NFATC2: variants seen among roughly 807,000 people sequenced by gnomAD.
NFATC2 encodes nuclear factor of activated T cells 2.
Under a neutral mutation model 87.3 loss-of-function variants are expected in NFATC2, and 22 were observed. That is an observed-to-expected ratio of 0.25 (90% CI 0.18 to 0.36). The LOEUF (loss-of-function observed/expected upper bound fraction) is 0.36. Among genes scored for constraint, NFATC2 ranks in the 10% least tolerant of loss-of-function variants. NFATC2 has a pLI of 1.00. For missense variants in NFATC2, 1,149 were observed against 1,259.1 expected (o/e 0.91, Z 1.32); for synonymous variants, 565 against 542.2 (o/e 1.04, Z -0.58).
In NFATC2 at chr20:51,420,458, C is replaced by G. The variant is rs150036708; in HGVS notation, c.2722+11609G>C. Among the ~76,000 whole-genome samples, 484 of 152,282 alleles carry G rather than the reference C, an allele frequency of 3.2e-3. 4 individuals carry two copies. Among genetic ancestry groups the G allele is most frequent in the African/African-American group, 0.01 (435 of 41,548 alleles). On this transcript the variant is annotated intron_variant, in intron 9 of 10. Coordinates refer to ENST00000371564, the MANE Select transcript of NFATC2 (RefSeq NM_012340.5). The stretch of plus-strand genomic sequence containing the variant: ...GAGGAGACAGGAACACACTAAAAAC[C>G]TCATCATGGAGATATAACTGGCAAA...
intron 9 of NFATC2, among the ~76,000 whole-genome samples, chr20:51,424,617 T>G (rs1182488737): frequency 2.0e-5 from 3 of 152,120 alleles, no homozygotes; most frequent in Non-Finnish European, 2.9e-5. Flanking sequence ...AGCAACTCTT[T>G]GCCAGACAAA....
chr20:51,425,085 G>C (rs781136149), intron 9 of NFATC2, among the ~76,000 whole-genome samples: 1 of 152,070 alleles, frequency 6.6e-6, no homozygotes, highest in Non-Finnish European at 1.5e-5. Context: ...GGCTGGGGGT[G>C]GGGGGTTGGT....
In NFATC2 at chr20:51,395,951, C is replaced by T. The variant is rs114503546; in HGVS notation, c.*44+2692G>A. On this transcript the variant is annotated intron_variant, in intron 10 of 10. Coordinates refer to ENST00000371564, the MANE Select transcript of NFATC2 (RefSeq NM_012340.5). ...GCCATAGACAGTACGCAAATGGGCA[C>T]AGATGTGTTCCAATAAAACTTCATT... 9.9e-3 allele frequency among the ~76,000 whole-genome samples: 1,491 copies of T among 150,712 alleles called. 33 individuals carry two copies. Among genetic ancestry groups the T allele is most frequent in the African/African-American group, 0.035 (1,446 of 41,100 alleles).
chr20:51,522,857 C>A (rs1002339302), intron 2 of NFATC2, among the ~76,000 whole-genome samples: 2 of 152,194 alleles, frequency 1.3e-5, no homozygotes, highest in Non-Finnish European at 2.9e-5. Flanking sequence ...TCATAGCCAC[C>A]TGGTGAGTCA....
intron 9 of NFATC2, among the ~76,000 whole-genome samples, chr20:51,419,741 G>C (rs968330943): frequency 6.6e-6 from 1 of 152,082 alleles, no homozygotes; most frequent in Non-Finnish European, 1.5e-5. Context: ...CCATAACACC[G>C]CAAGGAGTAT....
chr20:51,457,415 G>A (rs1986667653), intron 5 of NFATC2, among the ~76,000 whole-genome samples: 1 of 152,214 alleles, frequency 6.6e-6, no homozygotes, highest in Non-Finnish European at 1.5e-5. Flanking sequence ...TGCTGGGCGG[G>A]AGGCTGGCGC....
chr20:51,549,331 G>A (rs887819079), intron 1 of NFATC2, among the ~76,000 whole-genome samples: 18 of 152,108 alleles, frequency 1.2e-4, no homozygotes, highest in African/African-American at 4.1e-4. Flanking sequence ...GGAGTGCAAC[G>A]GTGCAATCTC....
At chr20:51,428,631 A>G (rs777157942) in intron 9 of NFATC2, among the ~76,000 whole-genome samples, 2 of 152,164 alleles carry the variant, frequency 1.3e-5, no homozygotes, top group Non-Finnish European at 1.5e-5. Flanking sequence ...GCAGGAAACG[A>G]TAACTCAGAG....
In NFATC2 at chr20:51,481,445, G is replaced by A. The variant is rs577552064; in HGVS notation, c.1333-5785C>T. ...ACATTCTGCAATACAGGAGCTCCAC[G>A]TCACTGGCCTCCCGAGCAAAGGAAA... On this transcript the variant is annotated intron_variant, in intron 3 of 10. Coordinates refer to ENST00000371564, the MANE Select transcript of NFATC2 (RefSeq NM_012340.5). Among the ~76,000 whole-genome samples the A allele has an allele frequency of 1.5e-4, 23 of 152,172 alleles. No individual in the cohort carries two copies. In the East Asian group the frequency reaches 1.9e-3, roughly 13 times the overall value.
At chr20:51,502,022 C>T (rs1964378853) in intron 3 of NFATC2, among the ~76,000 whole-genome samples, 1 of 152,142 alleles carries the variant, frequency 6.6e-6, no homozygotes, top group Admixed American at 6.5e-5. Flanking sequence ...CATAGTTTGA[C>T]GACTCTTTTT....
chr20:51,466,118 T>C lies in NFATC2; in HGVS notation c.1708+7862A>G, dbSNP rs548940080. 3.9e-5 allele frequency among the ~76,000 whole-genome samples: 6 copies of C among 152,220 alleles called. No homozygotes were observed. In the South Asian group the frequency reaches 1.2e-3, roughly 32 times the overall value. Reference sequence around the variant, plus strand: ...CCCAGGCTGGAGTGCAGTGGTGGGATCTCGGCTCACTGCAACCTCCGCCTC... The same window carrying C: ...CCCAGGCTGGAGTGCAGTGGTGGGACCTCGGCTCACTGCAACCTCCGCCTC... On this transcript the variant is annotated intron_variant, in intron 5 of 10. Transcript: ENST00000371564.
chr20:51,523,001 T>C lies in NFATC2; in HGVS notation c.1160+80A>G, dbSNP rs1407256509. On this transcript the variant is annotated intron_variant, in intron 2 of 10. Transcript: ENST00000371564. This position sits in a 1 kb window ranked among gnomAD's most constrained non-coding sequence, Gnocchi z 6.9. ...ATTTAAAGTCAGTCTTAAACCTGACTCTGAATCCCATGCTCATAACCAGAA... is the reference window on the plus strand; with the variant it reads ...ATTTAAAGTCAGTCTTAAACCTGACCCTGAATCCCATGCTCATAACCAGAA... The C allele has an allele frequency of 2.5e-6, 4 of 1,578,044 alleles. No homozygotes were observed. The highest frequency in any genetic ancestry group is 3.4e-6 in the Non-Finnish European group (4 of 1,162,668).
intron 6 of NFATC2, among the ~76,000 whole-genome samples, chr20:51,447,561 CT>C (rs978537482): frequency 1.3e-5 from 2 of 152,234 alleles, no homozygotes; most frequent in African/African-American, 2.4e-5. Flanking sequence ...ATGGCAACCC[CT>C]TTCCCGCTGC....
At position 51,387,132 on chromosome 20, in the gene NFATC2, G is replaced by GC. The variant is rs1453302104; in HGVS notation, c.*4363dup. 6.6e-6 allele frequency: 1 copy of GC among 152,204 alleles called. No homozygotes were observed. The highest frequency in any genetic ancestry group is 2.4e-5 in the African/African-American group (1 of 41,440). 9.4% of individuals were successfully genotyped at this position (152,204 alleles called of 1,614,324 possible). On this transcript the variant is annotated 3_prime_UTR_variant, in exon 11 of 11. Coordinates refer to ENST00000371564, the MANE Select transcript of NFATC2 (RefSeq NM_012340.5). ...GGATTTTCTAAACCTAAGCCTGCCAGCACCACCATGTTGGAGAGACCTGTT... is the reference window on the plus strand; with the variant it reads ...GGATTTTCTAAACCTAAGCCTGCCAGCCACCACCATGTTGGAGAGACCTGTT...
intron 5 of NFATC2, among the ~76,000 whole-genome samples, chr20:51,469,156 G>A (rs1216050409): frequency 2.0e-5 from 3 of 152,082 alleles, no homozygotes; most frequent in Non-Finnish European, 4.4e-5. Flanking sequence ...CCAAGTAGCT[G>A]AGACTACAGG....
At chr20:51,481,481 T>C (rs1477947243) in intron 3 of NFATC2, among the ~76,000 whole-genome samples, 1 of 152,120 alleles carries the variant, frequency 6.6e-6, no homozygotes, top group African/African-American at 2.4e-5. Flanking sequence ...CGCCACTTCC[T>C]GCAGCCAAGG....
chr20:51,427,659 C>G (rs1025498729), intron 9 of NFATC2, among the ~76,000 whole-genome samples: 17 of 152,322 alleles, frequency 1.1e-4, no homozygotes, highest in African/African-American at 4.1e-4. Flanking sequence ...AGCAAGCCCA[C>G]GTCTCCGAGT....
chr20:51,455,125 A>G (rs1986264470), intron 5 of NFATC2, among the ~76,000 whole-genome samples: 1 of 152,246 alleles, frequency 6.6e-6, no homozygotes, highest in Admixed American at 6.5e-5. Context: ...TGAAGGCATC[A>G]TGTATGCTAA....
chr20:51,399,279 G>C (rs933293097), intron 9 of NFATC2: 9 of 153,632 alleles, frequency 5.9e-5, no homozygotes, highest in African/African-American at 1.9e-4. Flanking sequence ...TCAGAACAAC[G>C]AAGGCACTTG....
Sources: allele counts gnomAD v4.1 joint callset (sites outside exome capture counted in the v4.1 genomes callset), GRCh38; gene constraint gnomAD v4.1.1; non-coding constraint Gnocchi (gnomAD v3.1); transcripts MANE v1.5; gene names NCBI Gene and HGNC (gene_info 2026-07-23, HGNC 2026-07-21).